The following PTPRS variants were observed in gnomAD, a reference collection of about 807,000 sequenced individuals.
PTPRS encodes the protein protein tyrosine phosphatase receptor type S.
PTPRS carries 63 observed loss-of-function variants against 215.3 expected under a neutral mutation model. That is an observed-to-expected ratio of 0.29 (90% CI 0.24 to 0.36). PTPRS has a LOEUF of 0.36. Ranked by LOEUF, PTPRS falls within the 10% of genes least tolerant of loss-of-function variation. PTPRS has a pLI of 1.00. For synonymous variants in PTPRS, 1,404 were observed against 1,191.4 expected (o/e 1.18, Z -3.68); for missense variants, 2,258 against 2,825.8 (o/e 0.80, Z 4.56).
chr19:5,206,266 A>G lies in PTPRS; in HGVS notation c.*508T>C, dbSNP rs911786864. ...TGTTTCTCTTAAAAAAAAAAATGGAAAAAAAAATACACTATTTAAAAAAAA... is the reference window on the plus strand; with the variant it reads ...TGTTTCTCTTAAAAAAAAAAATGGAGAAAAAAATACACTATTTAAAAAAAA... On this transcript the variant is annotated 3_prime_UTR_variant, in exon 38 of 38. Coordinates refer to ENST00000262963, the MANE Select transcript of PTPRS (RefSeq NM_002850.4). 1 of 125,574 alleles carries G rather than the reference A, an allele frequency of 8.0e-6. No homozygotes were observed. The highest frequency in any genetic ancestry group is 1.5e-5 in the Non-Finnish European group (1 of 68,520). The allele number at this position is 125,574 out of a possible 1,614,324, so 7.8% of individuals were successfully genotyped here.
chr19:5,229,334 C>A lies in PTPRS; in HGVS notation c.2358G>T (p.Thr786=). ...TACTTACATATTCGGCCGTGTCATCCGTCTCCCACTGAGCGCGGGAGGAGG... is the reference window on the plus strand; with the variant it reads ...TACTTACATATTCGGCCGTGTCATCAGTCTCCCACTGAGCGCGGGAGGAGG... ...DVMLADAQWE[T]DDTAEYEMVI... is the part of the protein sequence containing the mutation. The change falls in exon 16 of 38, where the codon ACG becomes ACT. Residue 786 remains threonine (T), a synonymous_variant. Transcript: ENST00000262963. 2.2e-6 allele frequency: 3 copies of A among 1,378,526 alleles called. No homozygotes were observed. The highest frequency in any genetic ancestry group is 2.8e-6 in the Non-Finnish European group (3 of 1,060,794). 85.4% of individuals were successfully genotyped at this position (1,378,526 alleles called of 1,614,324 possible).
chr19:5,256,224 G>A, intron 8 of PTPRS, 105 bp from the exon 9 acceptor site: 1 of 839,464 alleles, frequency 1.2e-6, no homozygotes, highest in South Asian at 3.0e-5. Flanking sequence ...AAGGCTAAAA[G>A]CTGCAATAGT....
rs993304580 is a variant in PTPRS at position 5,247,017 on chromosome 19, A to C, written c.719-972T>G. On this transcript the variant is annotated intron_variant, in intron 9 of 37. Coordinates refer to ENST00000262963, the MANE Select transcript of PTPRS (RefSeq NM_002850.4). ...TACGTGACACCAGAGAGAGGAGACG[A>C]ATGAATGGGGAGAAAGAGAGAAGAA... Among the ~76,000 whole-genome samples the C allele has an allele frequency of 2.0e-5, 3 of 151,772 alleles. No individual in the cohort carries two copies. The East Asian group carries it at 5.8e-4, about 29-fold the overall frequency.
chr19:5,339,530 G>T lies in PTPRS; in HGVS notation c.-95+1134C>A, dbSNP rs35736786. ...AAGGGGAGTTCCCCAATTTGGGAAG[G>T]GGGGGAATTGGTGGGAAATGTCCAG... On this transcript the variant is annotated intron_variant, in intron 1 of 37. Coordinates refer to ENST00000262963, the MANE Select transcript of PTPRS (RefSeq NM_002850.4). The surrounding 1 kb of genome is among the most constrained non-coding windows in gnomAD (Gnocchi z 4.2). Among the ~76,000 whole-genome samples, 2 of 148,218 alleles carry T rather than the reference G, an allele frequency of 1.3e-5. No homozygotes were observed. The highest frequency in any genetic ancestry group is 4.9e-5 in the African/African-American group (2 of 41,092).
chr19:5,277,564 G>C (rs967559156), intron 2 of PTPRS, among the ~76,000 whole-genome samples: 12 of 151,706 alleles, frequency 7.9e-5, no homozygotes, highest in Admixed American at 2.0e-4. Context: ...GCTGAGGCAG[G>C]AGAATGGAGT....
intron 19 of PTPRS, among the ~76,000 whole-genome samples, chr19:5,221,608 AC>A (rs2041984509): frequency 6.6e-6 from 1 of 151,938 alleles, no homozygotes; most frequent in Non-Finnish European, 1.5e-5. Context: ...CTGAGCGCTG[AC>A]CCTAGGTGGA....
chr19:5,215,175 C>A, intron 28 of PTPRS, 114 bp downstream of exon 28: 7 of 1,416,394 alleles, frequency 4.9e-6, no homozygotes, highest in Non-Finnish European at 6.8e-6. Flanking sequence ...CCAGTTGGAG[C>A]TGGACCAGGT....
At chr19:5,316,926 G>A (rs73549756) in intron 1 of PTPRS, among the ~76,000 whole-genome samples, 31 of 152,290 alleles carry the variant, frequency 2.0e-4, no homozygotes, top group African/African-American at 6.0e-4. Flanking sequence ...CTTCTCCCAC[G>A]GGCGGCTGCC....
chr19:5,214,914 C>T (rs150629724), intron 28 of PTPRS, among the ~76,000 whole-genome samples, 178 bp from the exon 29 acceptor site: 1 of 152,264 alleles, frequency 6.6e-6, no homozygotes, highest in Admixed American at 6.5e-5. Flanking sequence ...GGGGCCAGAT[C>T]GCCCTCTGTG....
rs544687640 is a variant in PTPRS, at chr19:5,211,768, G to A, written c.5056C>T (p.Arg1686Trp). The A allele has an allele frequency of 3.3e-5, 53 of 1,609,886 alleles. No individual in the cohort carries two copies. The highest frequency in any genetic ancestry group is 8.3e-5 in the Admixed American group (5 of 59,936). The change falls in exon 33 of 38, where the codon CGG becomes TGG. Residue 1686 changes from arginine (R) to tryptophan (W), a missense_variant and splice_region_variant. Around this residue, in one of 6 missense-constraint regions of PTPRS, gnomAD observed 927 missense variants for 1,125.9 expected, o/e 0.82. Transcript: ENST00000262963. ...GTGTGGGCCTTGGAGTTAGCCAGCC[G>A]CTGTGGGGAGGAGGAAGCCAGAGGC... is the stretch of plus-strand genomic sequence containing the variant. Reference protein sequence around the residue: ...HVTGMELEFKRLANSKAHTSR... With the variant: ...HVTGMELEFKWLANSKAHTSR...
At chr19:5,263,952 A>G (rs1460534850) in intron 5 of PTPRS, among the ~76,000 whole-genome samples, 1 of 152,210 alleles carries the variant, frequency 6.6e-6, no homozygotes, top group Non-Finnish European at 1.5e-5. Context: ...ACACGTGGAC[A>G]TGTCGTGAAG....
intron 9 of PTPRS, among the ~76,000 whole-genome samples, chr19:5,250,238 C>A (rs745698714): frequency 6.6e-6 from 1 of 152,204 alleles, no homozygotes. Context: ...TGGTTTGCCA[C>A]GAGTTTAAGG....
chr19:5,322,716 C>T (rs2147225561), intron 1 of PTPRS, among the ~76,000 whole-genome samples: 1 of 151,840 alleles, frequency 6.6e-6, no homozygotes. Context: ...CCTGCCTCTA[C>T]TAAAAATACA....
At chr19:5,283,315 G>A (rs542538482) in intron 2 of PTPRS, among the ~76,000 whole-genome samples, 3 of 152,208 alleles carry the variant, frequency 2.0e-5, no homozygotes, top group Non-Finnish European at 2.9e-5. Flanking sequence ...CAGCACTTTC[G>A]CCTGTAATCC....
chr19:5,264,158 C>T (rs1421394879), intron 5 of PTPRS, among the ~76,000 whole-genome samples: 6 of 152,138 alleles, frequency 3.9e-5, no homozygotes, highest in South Asian at 2.1e-4. Context: ...CCTGAAGCCC[C>T]GCCATCACCT....
At chr19:5,321,798 C>G (rs1431183598) in intron 1 of PTPRS, among the ~76,000 whole-genome samples, 1 of 151,960 alleles carries the variant, frequency 6.6e-6, no homozygotes, top group East Asian at 1.9e-4. Context: ...GGAAGTTCAG[C>G]TATTTGCCCA....
chr19:5,219,244 T>A, intron 23 of PTPRS, 66 bp downstream of exon 23: 22 of 1,584,146 alleles, frequency 1.4e-5, no homozygotes, highest in Non-Finnish European at 1.8e-5. Flanking sequence ...CTGAGACAAC[T>A]CCTCCCTCCT....
chr19:5,262,940 A>G (rs1202700419), intron 6 of PTPRS, 24 bp downstream of exon 6: 2 of 1,578,254 alleles, frequency 1.3e-6, no homozygotes, highest in Non-Finnish European at 1.7e-6. Flanking sequence ...TTAGTTGTTG[A>G]CGTGGTGATG....
In PTPRS at chr19:5,205,983, A is replaced by G. The variant is rs934615021; in HGVS notation, c.*791T>C. On this transcript the variant is annotated 3_prime_UTR_variant, in exon 38 of 38. Transcript: ENST00000262963. ...TTATAAAAATGAAACAAAAAGGGGG[A>G]AAAAAAAAGCCAAGAAAGAAAAAAG... Among the ~76,000 whole-genome samples the G allele has an allele frequency of 3.8e-5, 5 of 131,956 alleles. No individual in the cohort carries two copies. The highest frequency in any genetic ancestry group is 2.3e-4 in the South Asian group (1 of 4,308). The allele number at this position is 131,956 out of a possible 152,430, so 86.6% of individuals were successfully genotyped here. A position where few individuals can be genotyped will look rare whatever the true frequency, so the allele number is the denominator to read the frequency against.
Sources: allele counts gnomAD v4.1 joint callset (sites outside exome capture counted in the v4.1 genomes callset), GRCh38; gene constraint gnomAD v4.1.1; regional missense constraint gnomAD v4.1.1; non-coding constraint Gnocchi (gnomAD v3.1); transcripts MANE v1.5; gene names NCBI Gene and HGNC (gene_info 2026-07-23, HGNC 2026-07-21).